Variants in ACTR3C observed in about 807,000 individuals in gnomAD.
The protein encoded by ACTR3C is actin-related protein 3C.
Under a neutral mutation model 26.3 loss-of-function variants are expected in ACTR3C, and 18 were observed. That is an observed-to-expected ratio of 0.68 (90% CI 0.47 to 1.01). The LOEUF (loss-of-function observed/expected upper bound fraction) is 1.01. Ranked by LOEUF, ACTR3C falls within the 50% of genes least tolerant of loss-of-function variation. The pLI, the probability that ACTR3C is intolerant of heterozygous loss-of-function variation, is 0.00. For missense variants in ACTR3C, 184 were observed against 250.7 expected (o/e 0.73, Z 1.80); for synonymous variants, 55 against 94.5 (o/e 0.58, Z 2.42).
the ACTR3C span, among the ~76,000 whole-genome samples, chr7:150,034,976 G>T: frequency 3.5e-5 from 5 of 144,254 alleles, no homozygotes; most frequent in African/African-American, 1.0e-4. Flanking sequence ...CCACTCTCGT[G>T]GGGGGTGCCT....
the ACTR3C span, among the ~76,000 whole-genome samples, chr7:150,098,567 AGTTT>A: frequency 6.6e-6 from 1 of 151,772 alleles, no homozygotes; most frequent in Non-Finnish European, 1.5e-5. Context: ...TGCTTTTGTC[AGTTT>A]GTTTACTTAA....
At chr7:150,083,777 C>T in the ACTR3C span, among the ~76,000 whole-genome samples, 4 of 152,146 alleles carry the variant, frequency 2.6e-5, no homozygotes, top group Admixed American at 1.3e-4. Context: ...GGAAACAATC[C>T]ACTTTCTCCC....
At chr7:150,275,742 A>G (rs1834820220) in intron 6 of ACTR3C, among the ~76,000 whole-genome samples, 1 of 152,126 alleles carries the variant, frequency 6.6e-6, no homozygotes, top group Non-Finnish European at 1.5e-5. Context: ...AACAGCGACT[A>G]CAAAGGAGTA....
the ACTR3C span, among the ~76,000 whole-genome samples, chr7:150,036,107 G>T: frequency 3.9e-5 from 5 of 127,126 alleles, no homozygotes; most frequent in South Asian, 1.2e-3. Context: ...GGGGTGCAAA[G>T]AGCCAGGGGG....
At chr7:150,112,904 G>T in the ACTR3C span, among the ~76,000 whole-genome samples, 1 of 152,048 alleles carries the variant, frequency 6.6e-6, no homozygotes, top group African/African-American at 2.4e-5. Flanking sequence ...CGGCGACAAA[G>T]CACCCCATGT....
At chr7:150,309,632 C>T (rs988270208) in intron 1 of ACTR3C, among the ~76,000 whole-genome samples, 6 of 152,186 alleles carry the variant, frequency 3.9e-5, no homozygotes, top group African/African-American at 7.2e-5. Flanking sequence ...ATTCAAGTGC[C>T]GCAAAACTGG....
chr7:150,209,722 T>TACACACAC, the ACTR3C span, among the ~76,000 whole-genome samples: 6,364 of 129,158 alleles, frequency 0.049, 171 homozygotes, highest in South Asian at 0.067. Flanking sequence ...CTACTAAAAA[T>TACACACAC]ACACACACAC....
the ACTR3C span, among the ~76,000 whole-genome samples, chr7:150,135,837 G>C: frequency 6.7e-6 from 1 of 148,536 alleles, no homozygotes; most frequent in East Asian, 2.0e-4. Flanking sequence ...GAAAAGAAAG[G>C]AAAGAAAGGG....
chr7:150,254,391 C>T (rs1421338938), intron 6 of ACTR3C, among the ~76,000 whole-genome samples: 1 of 152,118 alleles, frequency 6.6e-6, no homozygotes, highest in Non-Finnish European at 1.5e-5. Flanking sequence ...CCCAATTGTC[C>T]TATAGAACTG....
chr7:150,026,047 C>T, the ACTR3C span, among the ~76,000 whole-genome samples: 3 of 152,120 alleles, frequency 2.0e-5, no homozygotes, highest in African/African-American at 7.3e-5. Flanking sequence ...AAACCTCCCA[C>T]ACAAGGTTAT....
At chr7:150,166,875 C>G in the ACTR3C span, among the ~76,000 whole-genome samples, 1 of 150,390 alleles carries the variant, frequency 6.6e-6, no homozygotes, top group East Asian at 1.9e-4. Flanking sequence ...ACTTTTTTAG[C>G]TCCTAAATAT....
the ACTR3C span, among the ~76,000 whole-genome samples, chr7:149,988,350 T>C: frequency 7.2e-5 from 11 of 152,188 alleles, no homozygotes; most frequent in African/African-American, 2.2e-4. Context: ...TGGAAGGATA[T>C]CTGCTTGTCC....
At chr7:150,128,117 C>T in the ACTR3C span, among the ~76,000 whole-genome samples, 1 of 144,262 alleles carries the variant, frequency 6.9e-6, no homozygotes, top group East Asian at 1.9e-4. Context: ...TGGCAGTTCC[C>T]AGTATTAGTG....
chr7:150,160,613 C>T, the ACTR3C span, among the ~76,000 whole-genome samples: 2,346 of 152,078 alleles, frequency 0.015, 58 homozygotes, highest in African/African-American at 0.054. Context: ...TTAATAAAGA[C>T]CATAAGCCAT....
chr7:150,050,672 G>C, the ACTR3C span, among the ~76,000 whole-genome samples: 12 of 152,086 alleles, frequency 7.9e-5, no homozygotes, highest in African/African-American at 2.9e-4. Flanking sequence ...GGAATGCTGG[G>C]GAGGACTGGA....
the ACTR3C span, among the ~76,000 whole-genome samples, chr7:150,037,752 ACC>A: frequency 3.3e-5 from 1 of 30,570 alleles, no homozygotes; most frequent in East Asian, 2.5e-3. Context: ...CTCAGTCCCC[ACC>A]CTCGCGGGGG....
the ACTR3C span, among the ~76,000 whole-genome samples, chr7:150,135,367 T>G: frequency 1.3e-5 from 2 of 152,272 alleles, no homozygotes; most frequent in Non-Finnish European, 2.9e-5. Context: ...TTTACACCCT[T>G]GTCTGTGTAG....
the ACTR3C span, among the ~76,000 whole-genome samples, chr7:149,884,538 T>C: frequency 6.6e-6 from 1 of 152,076 alleles, no homozygotes; most frequent in African/African-American, 2.4e-5. Context: ...CATTTCACAA[T>C]GTATACACAT....
the ACTR3C span, among the ~76,000 whole-genome samples, chr7:150,016,600 C>A: frequency 1.3e-5 from 2 of 152,044 alleles, no homozygotes; most frequent in East Asian, 3.9e-4. Flanking sequence ...AGAAGACATG[C>A]AGGAAATGGG....
Sources: gnomAD v4.1 joint callset for allele counts (sites outside exome capture counted in the v4.1 genomes callset) on GRCh38, gnomAD v4.1.1 for gene constraint, MANE v1.5 for transcripts, NCBI Gene and HGNC (gene_info 2026-07-23, HGNC 2026-07-21) for gene names.